STAB2: variants seen among roughly 807,000 people sequenced by gnomAD.
STAB2 encodes stabilin 2, also known as stabilin-2.
Under a neutral mutation model 338.1 loss-of-function variants are expected in STAB2, and 288 were observed. That is an observed-to-expected ratio of 0.85 (90% CI 0.77 to 0.94). The LOEUF is 0.94. Ranked by LOEUF, STAB2 falls within the 40% of genes least tolerant of loss-of-function variation. The pLI is 0.00. For synonymous variants in STAB2, 1,202 were observed against 1,193.3 expected (o/e 1.01, Z -0.15); for missense variants, 3,141 against 3,210.1 (o/e 0.98, Z 0.52).
rs891121900 is a variant in STAB2 at position 103,699,160 on chromosome 12, A to G, written c.3647A>G (p.Asn1216Ser). 1 of 1,613,436 alleles carries G rather than the reference A, an allele frequency of 6.2e-7. No individual in the cohort carries two copies. The highest frequency in any genetic ancestry group is 8.5e-7 in the Non-Finnish European group (1 of 1,179,670). Residue 1216 changes from asparagine to serine, a missense_variant, in exon 34 of 69, where the codon AAT becomes AGT. Transcript: ENST00000388887. ...EEKLLKNDLH[N>S]GMHRETMLGF... Reference sequence around the variant, plus strand: ...AAACTCCTGAAGAATGACCTGCACAATGGCATGCATCGTGAGACCATGCTG... The same window carrying G: ...AAACTCCTGAAGAATGACCTGCACAGTGGCATGCATCGTGAGACCATGCTG...
At chr12:103,587,653 A>G in intron 1 of STAB2, 96 bp downstream of exon 1, 1 of 956,630 alleles carries the variant, frequency 1.0e-6, no homozygotes, top group South Asian at 1.5e-5. Context: ...AAAGGGTGAA[A>G]TCTGGACTTT....
At chr12:103,661,217 CAAAA>C (rs10548393) in intron 17 of STAB2, among the ~76,000 whole-genome samples, 168 of 106,024 alleles carry the variant, frequency 1.6e-3, no homozygotes, top group Admixed American at 3.5e-3. Flanking sequence ...GAGTTCCAGA[CAAAA>C]AAAAAAAAAA....
At chr12:103,640,542 G>A (rs1295004332) in intron 9 of STAB2, among the ~76,000 whole-genome samples, 3 of 152,160 alleles carry the variant, frequency 2.0e-5, no homozygotes, top group South Asian at 2.1e-4. Context: ...AAGCCACTGC[G>A]ACTGGGGAAA....
chr12:103,686,854 G>T (rs1055112171), intron 27 of STAB2, among the ~76,000 whole-genome samples: 6 of 151,954 alleles, frequency 3.9e-5, no homozygotes, highest in African/African-American at 1.5e-4. Flanking sequence ...CCAGCTCCAG[G>T]TCTGCCATGT....
intron 36 of STAB2, among the ~76,000 whole-genome samples, chr12:103,705,212 T>A (rs1020726404): frequency 5.3e-5 from 8 of 152,212 alleles, no homozygotes; most frequent in African/African-American, 1.7e-4. Context: ...CATTTGAGGT[T>A]TAATTTAATC....
At chr12:103,735,625 C>A (rs1882056092) in intron 52 of STAB2, 45 bp downstream of exon 52, 1 of 1,306,194 alleles carries the variant, frequency 7.7e-7, no homozygotes, top group Non-Finnish European at 1.1e-6. Context: ...TTAACACATT[C>A]ACAGCAAGCT....
intron 64 of STAB2, 108 bp downstream of exon 64, chr12:103,758,397 G>C (rs1884292375): frequency 1.3e-6 from 2 of 1,539,478 alleles, no homozygotes; most frequent in Admixed American, 3.6e-5. Flanking sequence ...CATTTATTTA[G>C]CTCACAGATC....
At position 103,587,484 on chromosome 12, in the gene STAB2, T is replaced by C; in HGVS notation, c.8T>C (p.Leu3Pro). 6.2e-7 allele frequency: 1 copy of C among 1,613,732 alleles called. No homozygotes were observed. Among genetic ancestry groups the C allele is most frequent in the South Asian group, 1.1e-5 (1 of 91,020 alleles). Residue 3 changes from leucine to proline, a missense_variant, in exon 1 of 69, where the codon CTA becomes CCA. Leu to Pro is a moderately conservative substitution (Grantham distance 98). Coordinates refer to ENST00000388887, the MANE Select transcript of STAB2 (RefSeq NM_017564.10). MM[L>P]QHLVIFCLGL... ...AGGAGCAAATATTTCCTCATGATGC[T>C]ACAACATTTAGTAATTTTTTGTCTT... is the stretch of plus-strand genomic sequence containing the variant.
At chr12:103,612,269 C>T (rs1344369249) in intron 3 of STAB2, among the ~76,000 whole-genome samples, 1 of 152,228 alleles carries the variant, frequency 6.6e-6, no homozygotes, top group Admixed American at 6.5e-5. Flanking sequence ...GGATAATATC[C>T]TGCAGAGTGT....
In STAB2 at chr12:103,750,686, T is replaced by G. The variant is rs11833263; in HGVS notation, c.6546T>G (p.His2182Gln). ...GCTTACAGGACAATGGGCAGTGCCA[T>G]GCAGACGCCAAATGTGTCGACCTCC... ...DRCLQDNGQC[H>Q]ADAKCVDLHF... The change falls in exon 60 of 69, where the codon CAT becomes CAG. Residue 2182 changes from histidine to glutamine, a missense_variant. By Grantham distance (24) the His-to-Gln change is conservative. Coordinates refer to ENST00000388887, the MANE Select transcript of STAB2 (RefSeq NM_017564.10). 1 of 1,614,172 alleles carries G rather than the reference T, an allele frequency of 6.2e-7. No individual in the cohort carries two copies.
rs772174751 is a variant in STAB2, at chr12:103,637,217, C to T, written c.690C>T (p.Gly230=). The change falls in exon 7 of 69, where the codon GGC becomes GGT. Residue 230 remains glycine, a synonymous_variant. Coordinates refer to ENST00000388887, the MANE Select transcript of STAB2 (RefSeq NM_017564.10). ...GCAAATGCCTTCCCAATTACCGAGGCGATGGCAAATACTGCGACCGTGAGT... is the reference window on the plus strand; with the variant it reads ...GCAAATGCCTTCCCAATTACCGAGGTGATGGCAAATACTGCGACCGTGAGT... ...LECKCLPNYR[G]DGKYCDPINP... 14 of 1,611,402 alleles carry T rather than the reference C, an allele frequency of 8.7e-6. No homozygotes were observed. The East Asian group carries it at 8.9e-5, about 10-fold the overall frequency.
rs1168574961 is a variant in STAB2, at chr12:103,730,161, A to G, written c.5128A>G (p.Ile1710Val). The part of the protein sequence containing the change: ...NNKAKIISSD[I>V]ISTNGIVHII... ...TAAGGCTAAGATCATATCCAGTGAT[A>G]TCATCAGTACTAATGGGATTGTTCA... The change falls in exon 49 of 69, where the codon ATC becomes GTC. Residue 1710 changes from isoleucine to valine, a missense_variant. Coordinates refer to ENST00000388887, the MANE Select transcript of STAB2 (RefSeq NM_017564.10). 2 of 1,613,034 alleles carry G rather than the reference A, an allele frequency of 1.2e-6. No homozygotes were observed. The highest frequency in any genetic ancestry group is 8.5e-7 in the Non-Finnish European group (1 of 1,179,662).
At chr12:103,674,973 C>CCTAT (rs984258613) in intron 23 of STAB2, among the ~76,000 whole-genome samples, 61 of 152,260 alleles carry the variant, frequency 4.0e-4, no homozygotes, top group African/African-American at 1.4e-3. Context: ...ACCGCTGAAA[C>CCTAT]CTATGAAATC....
At chr12:103,602,127 A>G (rs1956963193) in intron 3 of STAB2, among the ~76,000 whole-genome samples, 1 of 152,178 alleles carries the variant, frequency 6.6e-6, no homozygotes, top group Admixed American at 6.5e-5. Context: ...GCCCTCCTTC[A>G]ACTCCCAATC....
intron 3 of STAB2, among the ~76,000 whole-genome samples, chr12:103,616,874 C>T (rs1031245208): frequency 1.8e-4 from 28 of 152,222 alleles, no homozygotes; most frequent in Admixed American, 3.9e-4. Context: ...ACACTTTGCT[C>T]AACAATATGA....
chr12:103,724,872 G>A (rs955637334), intron 44 of STAB2, 103 bp from the exon 45 acceptor site: 1 of 1,554,420 alleles, frequency 6.4e-7, no homozygotes, highest in Non-Finnish European at 8.7e-7. Flanking sequence ...AAGAGAGTGA[G>A]ACAAAAAATG....
chr12:103,692,083 C>T (rs1877984493), intron 30 of STAB2, among the ~76,000 whole-genome samples: 1 of 152,234 alleles, frequency 6.6e-6, no homozygotes, highest in Non-Finnish European at 1.5e-5. Context: ...CATTTATTTT[C>T]TCACAGTTCT....
At chr12:103,745,788 G>A (rs903540912) in intron 57 of STAB2, among the ~76,000 whole-genome samples, 1 of 152,200 alleles carries the variant, frequency 6.6e-6, no homozygotes, top group Non-Finnish European at 1.5e-5. Context: ...CAGGGTCAGC[G>A]AGCATGGTTT....
chr12:103,662,954 A>T lies in STAB2; in HGVS notation c.1978A>T (p.Ile660Phe). 2 of 1,614,190 alleles carry T rather than the reference A, an allele frequency of 1.2e-6. No individual in the cohort carries two copies. Among genetic ancestry groups the T allele is most frequent in the Non-Finnish European group, 1.7e-6 (2 of 1,180,026 alleles). ...TCTCATTCCTCCCTCCATTGTCCCGATTCTGCCCCATCGATGTGATGAAAC... is the reference window on the plus strand; with the variant it reads ...TCTCATTCCTCCCTCCATTGTCCCGTTTCTGCCCCATCGATGTGATGAAAC... ...GVLIPPSIVP[I>F]LPHRCDETKR... Residue 660 changes from isoleucine (I) to phenylalanine (F), a missense_variant, in exon 18 of 69, where the codon ATT becomes TTT. Transcript: ENST00000388887.
Sources: gnomAD v4.1 joint callset for allele counts (sites outside exome capture counted in the v4.1 genomes callset) on GRCh38, gnomAD v4.1.1 for gene constraint, MANE v1.5 for transcripts, NCBI Gene and HGNC (gene_info 2026-07-23, HGNC 2026-07-21) for gene names.